The following CDK4 variants were observed in gnomAD, a reference collection of about 807,000 sequenced individuals.
CDK4 encodes the protein cyclin-dependent kinase 4.
A neutral mutation model predicts 36.7 loss-of-function variants in CDK4; 13 were observed. That is an observed-to-expected ratio of 0.35 (90% CI 0.23 to 0.56). The LOEUF is 0.56. Among genes scored for constraint, CDK4 ranks in the 20% least tolerant of loss-of-function variants. The pLI is 0.85. For synonymous variants in CDK4, 158 were observed against 146.4 expected (o/e 1.08, Z -0.57); for missense variants, 285 against 387.3 (o/e 0.74, Z 2.22).
At chr12:57,749,428 C>G in intron 6 of CDK4, 26 bp downstream of exon 6, 1 of 1,613,888 alleles carries the variant, frequency 6.2e-7, no homozygotes. Context: ...AATAGAAAAT[C>G]TTTTTCTCCC....
rs544678470 is a variant in CDK4 at position 57,748,712 on chromosome 12, T to C, written c.820-95A>G. On this transcript the variant is annotated intron_variant, in intron 7 of 7. Transcript: ENST00000257904. ...GGATGAGCTTTCTTCTTTTTTCTTTTTTTTTTTTTTTGAGACGGAGTCTCG... is the reference window on the plus strand; with the variant it reads ...GGATGAGCTTTCTTCTTTTTTCTTTCTTTTTTTTTTTGAGACGGAGTCTCG... 9.0e-5 allele frequency: 77 copies of C among 851,532 alleles called. No individual in the cohort carries two copies. In the East Asian group the frequency reaches 1.9e-3, roughly 20 times the overall value. 52.7% of individuals were successfully genotyped at this position (851,532 alleles called of 1,614,324 possible).
At position 57,749,314 on chromosome 12, in the gene CDK4, C is replaced by A. The variant is rs1188210870; in HGVS notation, c.687G>T (p.Leu229=). Residue 229 remains leucine, a synonymous_variant, in exon 7 of 8, where the codon CTG becomes CTT. Transcript: ENST00000257904. The part of the protein sequence containing the change: ...EADQLGKIFD[L]IGLPPEDDWP... ...AGTCATCCTCTGGAGGCAGCCCAAT[C>A]AGGCTGTGGGGGACAGGAGAACTCT... is the stretch of plus-strand genomic sequence containing the variant. 1 of 1,614,188 alleles carries A rather than the reference C, an allele frequency of 6.2e-7. No individual in the cohort carries two copies.
chr12:57,751,652 C>T lies in CDK4; in HGVS notation c.66G>A (p.Lys22=), dbSNP rs143918215. 1 of 1,614,140 alleles carries T rather than the reference C, an allele frequency of 6.2e-7. No individual in the cohort carries two copies. The highest frequency in any genetic ancestry group is 8.5e-7 in the Non-Finnish European group (1 of 1,180,026). Residue 22 remains lysine, a synonymous_variant, in exon 2 of 8, where the codon AAG becomes AAA. Coordinates refer to ENST00000257904, the MANE Select transcript of CDK4 (RefSeq NM_000075.4). This position sits in a 1 kb window ranked among gnomAD's most constrained non-coding sequence, Gnocchi z 4.5. ...AGTGGCCACTGTGGGGATCACGGGC[C>T]TTGTACACTGTCCCATAGGCACCGA... ...IGVGAYGTVY[K]ARDPHSGHFV...
At chr12:57,749,573 G>T in intron 5 of CDK4, 69 bp from the exon 6 acceptor site, 1 of 1,464,462 alleles carries the variant, frequency 6.8e-7, no homozygotes, top group Non-Finnish European at 9.6e-7. Context: ...TTACTGCTTA[G>T]TGGCTCAAAA....
chr12:57,750,893 A>T (rs757029458), intron 4 of CDK4, 30 bp downstream of exon 4: 2 of 1,613,898 alleles, frequency 1.2e-6, no homozygotes, highest in South Asian at 2.2e-5. Flanking sequence ...TCCCAACCAG[A>T]ACCCATTTTG....
Position 57,748,575 on chromosome 12 carries a change from G to T in CDK4, c.862C>A (p.Arg288=), listed in dbSNP as rs587779897. ...TGTAGATAAGAGTGCTGCAGAGCTC[G>T]AAAGGCAGAGATTCGCTTGTGTGGG... ...FNPHKRISAF[R]ALQHSYLHKD... The change falls in exon 8 of 8, where the codon CGA becomes AGA. Residue 288 remains arginine, a synonymous_variant. Coordinates refer to ENST00000257904, the MANE Select transcript of CDK4 (RefSeq NM_000075.4). 2 of 1,613,992 alleles carry T rather than the reference G, an allele frequency of 1.2e-6. No individual in the cohort carries two copies. The highest frequency in any genetic ancestry group is 2.2e-5 in the South Asian group (2 of 91,054).
Position 57,749,926 on chromosome 12 carries a change from G to A in CDK4, c.633-422C>T, listed in dbSNP as rs3211618. 2,193 of 271,910 alleles carry A rather than the reference G, an allele frequency of 8.1e-3. 62 individuals are homozygous for A. Among genetic ancestry groups the A allele is most frequent in the South Asian group, 0.054 (1,412 of 26,148 alleles). 16.8% of individuals were successfully genotyped at this position (271,910 alleles called of 1,614,324 possible). A position where few individuals can be genotyped will look rare whatever the true frequency, so the allele number is the denominator to read the frequency against. On this transcript the variant is annotated intron_variant, in intron 5 of 7. Coordinates refer to ENST00000257904, the MANE Select transcript of CDK4 (RefSeq NM_000075.4). ...TCAAGAGAATTGCTTGAATCTGGGA[G>A]GTGGAGGTTGCAGTGAGCAGAGATC...
chr12:57,751,872 T>TG lies in CDK4; in HGVS notation c.-19-137dup. Reference sequence around the variant, plus strand: ...CCCATCCCCCGCTCCCAGTCTTCCTTGGGGCCGGCCCCAGAGATAACACAA... The same window carrying TG: ...CCCATCCCCCGCTCCCAGTCTTCCTTGGGGGCCGGCCCCAGAGATAACACAA... On this transcript the variant is annotated intron_variant, in intron 1 of 7. Coordinates refer to ENST00000257904, the MANE Select transcript of CDK4 (RefSeq NM_000075.4). This position sits in a 1 kb window ranked among gnomAD's most constrained non-coding sequence, Gnocchi z 4.5. The TG allele has an allele frequency of 1.4e-6, 1 of 691,724 alleles. No individual in the cohort carries two copies. Among genetic ancestry groups the TG allele is most frequent in the Non-Finnish European group, 2.6e-6 (1 of 392,016 alleles). 42.8% of individuals were successfully genotyped at this position (691,724 alleles called of 1,614,324 possible).
rs1324120646 is a variant in CDK4, at chr12:57,749,471, C to T, written c.666G>A (p.Gln222=). 2 of 1,614,230 alleles carry T rather than the reference C, an allele frequency of 1.2e-6. No individual in the cohort carries two copies. Among genetic ancestry groups the T allele is most frequent in the Non-Finnish European group, 1.7e-6 (2 of 1,180,038 alleles). ...TCACTTACTCAAAGATTTTGCCCAA[C>T]TGGTCGGCTTCAGAGTTTCCACAGA... is the stretch of plus-strand genomic sequence containing the variant. ...PLFCGNSEAD[Q]LGKIFDLIGL... is the part of the protein sequence containing the mutation. Residue 222 remains glutamine (Q), a synonymous_variant, in exon 6 of 8, where the codon CAG becomes CAA. Transcript: ENST00000257904.
rs1955200396 is a variant in CDK4 at position 57,749,221 on chromosome 12, C to T, written c.780G>A (p.Val260=). 1 of 1,614,068 alleles carries T rather than the reference C, an allele frequency of 6.2e-7. No homozygotes were observed. The highest frequency in any genetic ancestry group is 8.5e-7 in the Non-Finnish European group (1 of 1,179,904). ...CTCCCGACTCCTCCATCTCAGGTAC[C>T]ACCGACTGCACTGGGCGGGGCCCTC... ...PPRGPRPVQS[V]VPEMEESGAQ... is the part of the protein sequence containing the mutation. The change falls in exon 7 of 8, where the codon GTG becomes GTA. Residue 260 remains valine (V), a synonymous_variant. Transcript: ENST00000257904.
intron 7 of CDK4, 45 bp downstream of exon 7, chr12:57,749,137 C>T (rs199967391): frequency 2.9e-5 from 47 of 1,613,140 alleles, no homozygotes; most frequent in Admixed American, 2.3e-4. Context: ...TATTTCTTTC[C>T]CCAGTCTCTA....
chr12:57,748,981 C>G, intron 7 of CDK4: 1 of 687,076 alleles, frequency 1.5e-6, no homozygotes, highest in South Asian at 1.8e-5. Context: ...GCTGGGATTA[C>G]AGGCGTGAGC....
intron 7 of CDK4, 189 bp from the exon 8 acceptor site, chr12:57,748,806 A>C: frequency 1.7e-6 from 1 of 584,980 alleles, no homozygotes; most frequent in East Asian, 3.0e-5. Flanking sequence ...CCTGAGTTGA[A>C]GTGATTCTCC....
intron 5 of CDK4, 88 bp downstream of exon 5, chr12:57,750,566 CAA>C: frequency 1.1e-6 from 1 of 917,810 alleles, no homozygotes; most frequent in Non-Finnish European, 1.8e-6. Flanking sequence ...GCCCTGGTCT[CAA>C]AAAAAAAGAA....
intron 7 of CDK4, 91 bp from the exon 8 acceptor site, chr12:57,748,708 CTTT>C (rs545773931): frequency 1.3e-3 from 930 of 689,426 alleles, no homozygotes; most frequent in Non-Finnish European, 1.6e-3. Context: ...CTTCTTTTTT[CTTT>C]TTTTTTTTTT....
At position 57,751,706 on chromosome 12, in the gene CDK4, A is replaced by G. The variant is rs1595111261; in HGVS notation, c.12T>C (p.Ser4=). 7 of 1,614,144 alleles carry G rather than the reference A, an allele frequency of 4.3e-6. No individual in the cohort carries two copies. The highest frequency in any genetic ancestry group is 5.9e-6 in the Non-Finnish European group (7 of 1,180,022). ...CAATTTCAGCCACTGGCTCATATCG[A>G]GAGGTAGCCATTCTCAGATCAAGGG... MAT[S]RYEPVAEIGV... The change falls in exon 2 of 8, where the codon TCT becomes TCC. Residue 4 remains serine, a synonymous_variant. Coordinates refer to ENST00000257904, the MANE Select transcript of CDK4 (RefSeq NM_000075.4). This position sits in a 1 kb window ranked among gnomAD's most constrained non-coding sequence, Gnocchi z 4.5.
chr12:57,749,021 C>T lies in CDK4; in HGVS notation c.819+161G>A, dbSNP rs1595108434. 6.3e-6 allele frequency: 6 copies of T among 955,564 alleles called. No individual in the cohort carries two copies. In the East Asian group the frequency reaches 1.3e-4, roughly 20 times the overall value. 59.2% of individuals were successfully genotyped at this position (955,564 alleles called of 1,614,324 possible). The stretch of plus-strand genomic sequence containing the variant: ...GTGCCCAGCCAGGATGGGTTCTCTT[C>T]TATATCCTTCTCTGTGGGTGGCTAT... On this transcript the variant is annotated intron_variant, in intron 7 of 7. Transcript: ENST00000257904.
intron 5 of CDK4, chr12:57,750,353 T>G (rs1198125633): frequency 5.3e-6 from 2 of 379,108 alleles, no homozygotes; most frequent in Non-Finnish European, 1.0e-5. Context: ...ATTGCTTGAG[T>G]GCAAGAGTTC....
Position 57,748,515 on chromosome 12 carries a change from A to T in CDK4, c.*10T>A, listed in dbSNP as rs2140380904. Reference sequence around the variant, plus strand: ...AGCTTTTCTTCCTTCCATGGCAGCCACTCCATTGCTCACTCCGGATTACCT... The same window carrying T: ...AGCTTTTCTTCCTTCCATGGCAGCCTCTCCATTGCTCACTCCGGATTACCT... On this transcript the variant is annotated 3_prime_UTR_variant, in exon 8 of 8. Transcript: ENST00000257904. 1 of 1,596,366 alleles carries T rather than the reference A, an allele frequency of 6.3e-7. No homozygotes were observed. Among genetic ancestry groups the T allele is most frequent in the Non-Finnish European group, 8.6e-7 (1 of 1,164,102 alleles).
Sources: allele counts gnomAD v4.1 joint callset, GRCh38; gene constraint gnomAD v4.1.1; non-coding constraint Gnocchi (gnomAD v3.1); transcripts MANE v1.5; gene names NCBI Gene and HGNC (gene_info 2026-07-23, HGNC 2026-07-21).